The following CMPK1 variants were observed in gnomAD, a reference collection of about 807,000 sequenced individuals.
CMPK1 encodes cytidine/uridine monophosphate kinase 1.
CMPK1 carries 10 observed loss-of-function variants against 25.7 expected under a neutral mutation model. The observed-to-expected ratio is 0.39, with a 90% CI of 0.24 to 0.66. The LOEUF (loss-of-function observed/expected upper bound fraction) is 0.66. Ranked by LOEUF, CMPK1 falls within the 30% of genes least tolerant of loss-of-function variation. CMPK1 has a pLI of 0.48. For missense variants in CMPK1, 199 were observed against 280.5 expected (o/e 0.71, Z 2.08); for synonymous variants, 106 against 101.5 (o/e 1.04, Z -0.27).
In CMPK1 at chr1:47,376,897, G is replaced by T. The variant is rs1570386817; in HGVS notation, c.*152G>T. ...GGTAAAACAAAGTAAATTTTTTTAT[G>T]TTCTTTTTTTTGGTCACAGGAGTAG... On this transcript the variant is annotated 3_prime_UTR_variant, in exon 6 of 6. Coordinates refer to ENST00000371873, the MANE Select transcript of CMPK1 (RefSeq NM_016308.3). The T allele has an allele frequency of 4.2e-6, 2 of 475,934 alleles. No individual in the cohort carries two copies. The highest frequency in any genetic ancestry group is 7.5e-6 in the Non-Finnish European group (2 of 265,450). The allele number at this position is 475,934 out of a possible 1,614,324, so 29.5% of individuals were successfully genotyped here.
intron 1 of CMPK1, among the ~76,000 whole-genome samples, chr1:47,356,926 G>A (rs905919539): frequency 2.0e-5 from 3 of 149,716 alleles, no homozygotes; most frequent in African/African-American, 7.4e-5. Context: ...CTCCCAAAGT[G>A]CTGGGATTAC....
At chr1:47,375,752 G>A (rs952432511) in intron 5 of CMPK1, among the ~76,000 whole-genome samples, 12 of 152,182 alleles carry the variant, frequency 7.9e-5, no homozygotes, top group Non-Finnish European at 1.5e-4. Context: ...AGCACCACAG[G>A]TGAAGGTTTC....
chr1:47,358,102 GTCT>G (rs1365002582), intron 1 of CMPK1, among the ~76,000 whole-genome samples: 2 of 69,156 alleles, frequency 2.9e-5, no homozygotes, highest in Admixed American at 2.0e-4. Flanking sequence ...GTCATAGTAG[GTCT>G]TTTTTTTTTT....
intron 1 of CMPK1, among the ~76,000 whole-genome samples, chr1:47,356,062 T>G (rs1403837693): frequency 6.6e-6 from 1 of 152,234 alleles, no homozygotes; most frequent in Non-Finnish European, 1.5e-5. Context: ...CCTAGCTGTT[T>G]TGGTTCTTGT....
At chr1:47,375,007 C>A (rs1408251229) in intron 4 of CMPK1, 22 bp downstream of exon 4, 2 of 1,554,714 alleles carry the variant, frequency 1.3e-6, no homozygotes, top group Non-Finnish European at 8.9e-7. Context: ...TTTTTACATA[C>A]AACCACTTCA....
chr1:47,346,016 T>C (rs1389810654), intron 1 of CMPK1, among the ~76,000 whole-genome samples: 1 of 151,986 alleles, frequency 6.6e-6, no homozygotes, highest in African/African-American at 2.4e-5. Flanking sequence ...AGTGCTGGGA[T>C]TAGAGGTGTG....
rs1646579990 is a variant in CMPK1, at chr1:47,358,638, AC to A, written c.172-9829del. On this transcript the variant is annotated intron_variant, in intron 1 of 5. Transcript: ENST00000371873. ...ATAAAACTTTAGTTTTAGTTATAAA[AC>A]CTTAAGCACTCTAGTTCAGTGTTCT... 1.2e-5 allele frequency: 12 copies of A among 992,470 alleles called. 1 individual carries two copies. The South Asian group carries it at 4.0e-4, about 33-fold the overall frequency. The allele number at this position is 992,470 out of a possible 1,614,324, so 61.5% of individuals were successfully genotyped here. A position where few individuals can be genotyped will look rare whatever the true frequency, so the allele number is the denominator to read the frequency against.
At chr1:47,371,958 CATCCT>C (rs1474022419) in intron 2 of CMPK1, among the ~76,000 whole-genome samples, 1 of 152,164 alleles carries the variant, frequency 6.6e-6, no homozygotes, top group East Asian at 1.9e-4. Context: ...ATCTGGGAAT[CATCCT>C]ATATTCTCCT....
chr1:47,376,653 T>C (rs368383970), intron 5 of CMPK1, 51 bp from the exon 6 acceptor site: 175 of 1,161,718 alleles, frequency 1.5e-4, no homozygotes, highest in Non-Finnish European at 2.2e-4. Context: ...AGCTGTATGG[T>C]ATTTTAACAG....
rs897548406 is a variant in CMPK1 at position 47,371,034 on chromosome 1, T to C, written c.319-1921T>C. On this transcript the variant is annotated intron_variant, in intron 2 of 5. Transcript: ENST00000371873. ...GTATTTACTAGGTAACTCTTCATTC[T>C]AGATTCCTAGAACTATAATCATTAA... is the stretch of plus-strand genomic sequence containing the variant. Among the ~76,000 whole-genome samples the C allele has an allele frequency of 5.9e-5, 9 of 152,286 alleles. No homozygotes were observed. The East Asian group carries it at 1.7e-3, about 29-fold the overall frequency.
At chr1:47,337,583 C>T (rs1192971114) in intron 1 of CMPK1, among the ~76,000 whole-genome samples, 2 of 151,702 alleles carry the variant, frequency 1.3e-5, no homozygotes, top group East Asian at 3.9e-4. Flanking sequence ...AATTGCTATT[C>T]CCTAGCTGGC....
chr1:47,335,911 C>T (rs1444699036), intron 1 of CMPK1, among the ~76,000 whole-genome samples: 2 of 151,790 alleles, frequency 1.3e-5, no homozygotes, highest in South Asian at 2.1e-4. Context: ...TACAGGCGTG[C>T]GCCACCACGC....
chr1:47,376,499 A>T (rs944431022), intron 5 of CMPK1, among the ~76,000 whole-genome samples: 1 of 152,012 alleles, frequency 6.6e-6, no homozygotes, highest in Non-Finnish European at 1.5e-5. Flanking sequence ...TATTTTTAGT[A>T]GAGACGGGGT....
At chr1:47,334,830 T>C (rs1177328789) in intron 1 of CMPK1, among the ~76,000 whole-genome samples, 1 of 152,202 alleles carries the variant, frequency 6.6e-6, no homozygotes, top group Non-Finnish European at 1.5e-5. Context: ...TCACTTCCTG[T>C]CTCCCAGCCT....
chr1:47,343,282 C>T (rs1646455523), intron 1 of CMPK1, among the ~76,000 whole-genome samples: 2 of 151,262 alleles, frequency 1.3e-5, no homozygotes, highest in African/African-American at 4.8e-5. Context: ...CCACAATGCC[C>T]GGCCCTCTGT....
chr1:47,347,180 TTTCC>T (rs970826192), intron 1 of CMPK1, among the ~76,000 whole-genome samples: 4 of 143,290 alleles, frequency 2.8e-5, no homozygotes, highest in Non-Finnish European at 4.6e-5. Flanking sequence ...TCCTTTCTTC[TTTCC>T]TTCCTTCCTT....
At chr1:47,344,038 A>T (rs956840709) in intron 1 of CMPK1, among the ~76,000 whole-genome samples, 11 of 151,670 alleles carry the variant, frequency 7.3e-5, no homozygotes, top group African/African-American at 2.7e-4. Flanking sequence ...ACTGCGCTTC[A>T]GCCTGTGCAA....
Position 47,375,236 on chromosome 1 carries a change from C to T in CMPK1, c.588C>T (p.Asp196=). Residue 196 remains aspartate (D), a synonymous_variant, in exon 5 of 6, where the codon GAC becomes GAT. Transcript: ENST00000371873. ...TTCAGTCAACAAAGCCAATTATTGA[C>T]TTATATGAAGAAATGGGGAAAGTCA... ...TYLQSTKPII[D]LYEEMGKVKK... is the part of the protein sequence containing the mutation. 1 of 1,609,868 alleles carries T rather than the reference C, an allele frequency of 6.2e-7. No homozygotes were observed. Among genetic ancestry groups the T allele is most frequent in the Non-Finnish European group, 8.5e-7 (1 of 1,178,864 alleles).
At chr1:47,351,245 A>G (rs940708133) in intron 1 of CMPK1, among the ~76,000 whole-genome samples, 1 of 151,792 alleles carries the variant, frequency 6.6e-6, no homozygotes, top group Non-Finnish European at 1.5e-5. Flanking sequence ...ACGCCTGGCT[A>G]AATTTTTGTA....
Sources: gnomAD v4.1 joint callset for allele counts (sites outside exome capture counted in the v4.1 genomes callset) on GRCh38, gnomAD v4.1.1 for gene constraint, MANE v1.5 for transcripts, NCBI Gene and HGNC (gene_info 2026-07-23, HGNC 2026-07-21) for gene names.